The following XIRP2 variants were observed in gnomAD, a reference collection of about 807,000 sequenced individuals.
XIRP2 encodes the protein xin actin-binding repeat-containing protein 2.
In XIRP2, 236 loss-of-function variants were observed where a neutral mutation model predicts 277.0. That is an observed-to-expected ratio of 0.85 (90% CI 0.77 to 0.95). The LOEUF (loss-of-function observed/expected upper bound fraction) is 0.95, where lower values mean the gene tolerates loss of function less well. XIRP2 is among the 40% of genes least tolerant of loss of function. The pLI is 0.00. For missense variants in XIRP2, 4,640 were observed against 4,157.5 expected (o/e 1.12, Z -3.19); for synonymous variants, 1,490 against 1,416.5 (o/e 1.05, Z -1.17).
chr2:167,205,025 C>A (rs532899437), intron 3 of XIRP2, among the ~76,000 whole-genome samples: 6 of 152,278 alleles, frequency 3.9e-5, no homozygotes, highest in Admixed American at 2.0e-4. Flanking sequence ...TAGTGCTTCA[C>A]AGTTTCATCC....
chr2:166,981,857 C>T (rs1686878295), intron 2 of XIRP2, among the ~76,000 whole-genome samples: 1 of 152,140 alleles, frequency 6.6e-6, no homozygotes. Flanking sequence ...TGAAGGGATG[C>T]TACTCAACAT....
At chr2:167,024,866 T>C (rs1251312472) in intron 2 of XIRP2, among the ~76,000 whole-genome samples, 4 of 152,206 alleles carry the variant, frequency 2.6e-5, no homozygotes, top group African/African-American at 7.2e-5. Context: ...CAGTATTTTA[T>C]TGAGGATTTT....
intron 1 of XIRP2, among the ~76,000 whole-genome samples, chr2:166,898,782 T>C (rs1684307354): frequency 1.3e-5 from 2 of 152,070 alleles, no homozygotes; most frequent in South Asian, 4.1e-4. Context: ...CCCCAACACG[T>C]CCCATCCATT....
intron 2 of XIRP2, among the ~76,000 whole-genome samples, chr2:167,126,128 G>A (rs1691194314): frequency 6.6e-6 from 1 of 152,056 alleles, no homozygotes; most frequent in African/African-American, 2.4e-5. Context: ...GAAGCTGCAA[G>A]GCTTCTTTCT....
chr2:166,914,703 C>G (rs765479488), intron 2 of XIRP2, among the ~76,000 whole-genome samples: 1 of 152,106 alleles, frequency 6.6e-6, no homozygotes, highest in Non-Finnish European at 1.5e-5. Context: ...CAATAGGAAG[C>G]TAATACAGTT....
chr2:167,053,681 C>A (rs1688972545), intron 2 of XIRP2, among the ~76,000 whole-genome samples: 1 of 152,046 alleles, frequency 6.6e-6, no homozygotes, highest in South Asian at 2.1e-4. Context: ...TACTTCATAC[C>A]AATTTTAATA....
chr2:167,061,353 C>T (rs896368467), intron 2 of XIRP2, among the ~76,000 whole-genome samples: 1 of 151,848 alleles, frequency 6.6e-6, no homozygotes, highest in Non-Finnish European at 1.5e-5. Context: ...TTTGCTTTGC[C>T]TTATTGCTTT....
At chr2:166,950,495 A>G (rs1685998228) in intron 2 of XIRP2, among the ~76,000 whole-genome samples, 1 of 152,116 alleles carries the variant, frequency 6.6e-6, no homozygotes, top group African/African-American at 2.4e-5. Context: ...GGCAGAATTA[A>G]ACCCAAACTA....
chr2:166,925,797 C>T (rs1399509478), intron 2 of XIRP2, among the ~76,000 whole-genome samples: 1 of 151,590 alleles, frequency 6.6e-6, no homozygotes, highest in African/African-American at 2.4e-5. Flanking sequence ...AGTGTGGTGG[C>T]TTACCCCTCT....
At chr2:167,217,285 A>T (rs1290898361) in intron 4 of XIRP2, among the ~76,000 whole-genome samples, 4 of 139,892 alleles carry the variant, frequency 2.9e-5, no homozygotes, top group African/African-American at 1.2e-4. Flanking sequence ...AAGTATAATA[A>T]AAAAAAAAAA....
At chr2:167,191,771 T>C (rs1693343225) in intron 3 of XIRP2, among the ~76,000 whole-genome samples, 1 of 152,236 alleles carries the variant, frequency 6.6e-6, no homozygotes, top group South Asian at 2.1e-4. Flanking sequence ...TCTTTGTCTT[T>C]TACATTTTTC....
intron 2 of XIRP2, among the ~76,000 whole-genome samples, chr2:167,052,396 G>T (rs538881807): frequency 1.3e-5 from 2 of 151,932 alleles, no homozygotes; most frequent in South Asian, 2.1e-4. Flanking sequence ...TTAATGCATT[G>T]CCCTGATAGC....
intron 3 of XIRP2, among the ~76,000 whole-genome samples, chr2:167,167,326 A>T (rs150099908): frequency 6.6e-6 from 1 of 152,298 alleles, no homozygotes. Flanking sequence ...GACCACTGAC[A>T]TTCAAAGTGA....
At chr2:167,230,182 C>T (rs1406108711) in intron 5 of XIRP2, among the ~76,000 whole-genome samples, 1 of 152,062 alleles carries the variant, frequency 6.6e-6, no homozygotes, top group East Asian at 1.9e-4. Flanking sequence ...CCTCAGAGTA[C>T]AAATTACAAT....
At chr2:167,241,504 C>T (rs753819898) in intron 7 of XIRP2, among the ~76,000 whole-genome samples, 16 of 152,156 alleles carry the variant, frequency 1.1e-4, no homozygotes, top group Non-Finnish European at 2.4e-4. Flanking sequence ...ATGCCATATG[C>T]ATGCTTGTAC....
At chr2:167,114,797 A>AGT (rs1238788236) in intron 2 of XIRP2, among the ~76,000 whole-genome samples, 3 of 152,158 alleles carry the variant, frequency 2.0e-5, no homozygotes, top group South Asian at 2.1e-4. Context: ...ATGGCTGCAT[A>AGT]ATATTCCATG....
At chr2:167,006,852 T>C (rs1255979334) in intron 2 of XIRP2, among the ~76,000 whole-genome samples, 1 of 151,748 alleles carries the variant, frequency 6.6e-6, no homozygotes, top group Non-Finnish European at 1.5e-5. Context: ...TAAACCTTTC[T>C]TATCCTTCTC....
chr2:167,135,859 G>A (rs774168793), intron 2 of XIRP2, 50 bp from the exon 3 acceptor site: 1 of 1,486,538 alleles, frequency 6.7e-7, no homozygotes, highest in South Asian at 1.5e-5. Flanking sequence ...AAACACATCT[G>A]TTTCCTACTG....
chr2:167,083,445 A>G (rs1574236678), intron 2 of XIRP2, among the ~76,000 whole-genome samples: 2 of 152,156 alleles, frequency 1.3e-5, no homozygotes, highest in South Asian at 2.1e-4. Flanking sequence ...TCGGTTCCAT[A>G]TGAACATTAT....
Sources: gnomAD v4.1 joint callset for allele counts (sites outside exome capture counted in the v4.1 genomes callset) on GRCh38, gnomAD v4.1.1 for gene constraint, MANE v1.5 for transcripts, NCBI Gene and HGNC (gene_info 2026-07-23, HGNC 2026-07-21) for gene names.